Variants in SRP72 observed in about 807,000 individuals in gnomAD.
SRP72 encodes signal recognition particle 72, also known as signal recognition particle subunit SRP72.
Under a neutral mutation model 96.3 loss-of-function variants are expected in SRP72, and 49 were observed. The observed-to-expected ratio is 0.51, with a 90% CI of 0.40 to 0.65. The LOEUF is 0.65. Among genes scored for constraint, SRP72 ranks in the 30% least tolerant of loss-of-function variants. The pLI is 0.00. For missense variants in SRP72, 736 were observed against 793.3 expected (o/e 0.93, Z 0.87); for synonymous variants, 267 against 275.2 (o/e 0.97, Z 0.30).
chr4:56,490,228 G>A, intron 13 of SRP72, 105 bp from the exon 14 acceptor site: 2 of 789,744 alleles, frequency 2.5e-6, no homozygotes, highest in Non-Finnish European at 4.0e-6. Flanking sequence ...TAAGATGAGG[G>A]ATCTAATGCA....
At chr4:56,477,899 T>A (rs893415757) in intron 6 of SRP72, among the ~76,000 whole-genome samples, 1 of 152,228 alleles carries the variant, frequency 6.6e-6, no homozygotes, top group African/African-American at 2.4e-5. Flanking sequence ...TTGAAGTTTT[T>A]TTGTATGGTG....
chr4:56,486,548 C>T, intron 11 of SRP72, 151 bp downstream of exon 11: 1 of 579,680 alleles, frequency 1.7e-6, no homozygotes, highest in African/African-American at 1.9e-5. Context: ...TGTATGATCT[C>T]CAACAGATTT....
intron 8 of SRP72, among the ~76,000 whole-genome samples, chr4:56,481,469 G>A (rs1459826114): frequency 6.6e-6 from 1 of 152,018 alleles, no homozygotes; most frequent in Non-Finnish European, 1.5e-5. Flanking sequence ...CTTTCTTTGG[G>A]CAGATAACAC....
intron 15 of SRP72, 95 bp from the exon 16 acceptor site, chr4:56,491,336 C>A: frequency 7.1e-7 from 1 of 1,404,834 alleles, no homozygotes; most frequent in Non-Finnish European, 9.6e-7. Flanking sequence ...AAAAGACAGT[C>A]TTCCAGTGTC....
In SRP72 at chr4:56,490,627, A is replaced by G. The variant is rs376866344; in HGVS notation, c.1484A>G (p.Asp495Gly). 5.0e-5 allele frequency: 80 copies of G among 1,613,824 alleles called. No homozygotes were observed. Among genetic ancestry groups the G allele is most frequent in the Non-Finnish European group, 6.3e-5 (74 of 1,179,928 alleles). Residue 495 changes from aspartate to glycine, a missense_variant, in exon 15 of 19, where the codon GAT becomes GGT. Coordinates refer to ENST00000642900, the MANE Select transcript of SRP72 (RefSeq NM_006947.4). Reference protein sequence around the residue: ...AQLISAYSLVDPEKAKALSKH... With the variant: ...AQLISAYSLVGPEKAKALSKH... ...CTTATTTCTGCTTACTCACTTGTAG[A>G]TCCAGAGAAAGCCAAAGCGTATCCT...
In SRP72 at chr4:56,488,001, TAA is replaced by T. The variant is rs1720779851; in HGVS notation, c.1214_1215del (p.Lys405ThrfsTer12). 6.3e-7 allele frequency: 1 copy of T among 1,599,352 alleles called. No homozygotes were observed. The highest frequency in any genetic ancestry group is 1.3e-5 in the African/African-American group (1 of 74,110). On this transcript the variant is annotated frameshift_variant, in exon 12 of 19. Transcript: ENST00000642900. LOFTEE classifies it high-confidence loss of function. ...ILRSIEELKHKPGMVSALVTM... is the reference protein window; with the variant it reads ...ILRSIEELKHXPGMVSALVTM... The stretch of plus-strand genomic sequence containing the variant: ...TGAGAAGCATAGAGGAGTTAAAGCA[TAA>T]ACCAGGCATGGTGAGTTTTAAAAAT...
At chr4:56,486,965 T>TA (rs1265579740) in intron 11 of SRP72, among the ~76,000 whole-genome samples, 2 of 152,220 alleles carry the variant, frequency 1.3e-5, no homozygotes, top group Non-Finnish European at 2.9e-5. Context: ...ACTAGCCACA[T>TA]ACAGCTATTT....
chr4:56,484,882 A>G lies in SRP72; in HGVS notation c.1086+18A>G, dbSNP rs1578187579. 6 of 1,605,772 alleles carry G rather than the reference A, an allele frequency of 3.7e-6. 1 individual carries two copies. In the East Asian group the frequency reaches 1.3e-4, roughly 36 times the overall value. ...TGCTTCAGGTAAAATAATTACTTGA[A>G]TGAGGTGTCAGACATTTGCAGCTTT... is the stretch of plus-strand genomic sequence containing the variant. On this transcript the variant is annotated intron_variant, in intron 10 of 18. Transcript: ENST00000642900.
Position 56,503,597 on chromosome 4 carries a change from A to G in SRP72, c.*1736A>G, listed in dbSNP as rs923972603. The G allele has an allele frequency of 2.0e-5, 3 of 152,210 alleles. No homozygotes were observed. Among genetic ancestry groups the G allele is most frequent in the Non-Finnish European group, 4.4e-5 (3 of 68,036 alleles). 9.4% of individuals were successfully genotyped at this position (152,210 alleles called of 1,614,324 possible). On this transcript the variant is annotated 3_prime_UTR_variant, in exon 19 of 19. Transcript: ENST00000642900. ...TACTTTGTCAAATATATGGATGTGT[A>G]TGTGTACATTTATAAGAACCAGTAT...
chr4:56,484,115 C>A (rs2110122387), intron 9 of SRP72, among the ~76,000 whole-genome samples: 1 of 145,110 alleles, frequency 6.9e-6, no homozygotes, highest in Non-Finnish European at 1.5e-5. Context: ...CTCGCTGCAA[C>A]CTCTGCCTCC....
In SRP72 at chr4:56,487,990, G is replaced by A; in HGVS notation, c.1201G>A (p.Glu401Lys). Residue 401 changes from glutamate to lysine, a missense_variant, in exon 12 of 19, where the codon GAG becomes AAG. By Grantham distance (56) the Glu-to-Lys change is moderately conservative. Around this residue, in one of 3 missense-constraint regions of SRP72, gnomAD observed 388 missense variants for 431.8 expected, o/e 0.90. Transcript: ENST00000642900. The stretch of plus-strand genomic sequence containing the variant: ...ATGTCTAATATTGAGAAGCATAGAG[G>A]AGTTAAAGCATAAACCAGGCATGGT... ...KACLILRSIE[E>K]LKHKPGMVSA... The A allele has an allele frequency of 6.3e-7, 1 of 1,599,184 alleles. No homozygotes were observed. The highest frequency in any genetic ancestry group is 8.5e-7 in the Non-Finnish European group (1 of 1,176,322).
chr4:56,470,717 T>C (rs1398889537), intron 2 of SRP72, among the ~76,000 whole-genome samples: 1 of 152,222 alleles, frequency 6.6e-6, no homozygotes, highest in Non-Finnish European at 1.5e-5. Flanking sequence ...GAGGCAATGC[T>C]GCTTTTCTCC....
chr4:56,502,215 G>C lies in SRP72; in HGVS notation c.*354G>C, dbSNP rs544344186. 2.3e-5 allele frequency: 5 copies of C among 216,870 alleles called. No homozygotes were observed. The East Asian group carries it at 6.2e-4, about 27-fold the overall frequency. 13.4% of individuals were successfully genotyped at this position (216,870 alleles called of 1,614,324 possible). A position where few individuals can be genotyped will look rare whatever the true frequency, so the allele number is the denominator to read the frequency against. ...AACAGAAACTACTTCTATGATTTCA[G>C]CTGGAGTCTGAAGATACTTGTTTCT... On this transcript the variant is annotated 3_prime_UTR_variant, in exon 19 of 19. Transcript: ENST00000642900.
At chr4:56,477,579 C>T (rs1720297603) in intron 6 of SRP72, among the ~76,000 whole-genome samples, 1 of 152,186 alleles carries the variant, frequency 6.6e-6, no homozygotes, top group African/African-American at 2.4e-5. Context: ...AGGCGTGAAC[C>T]ACCATGCCCA....
chr4:56,475,394 CA>C (rs1322656151), intron 5 of SRP72, among the ~76,000 whole-genome samples: 7 of 106,432 alleles, frequency 6.6e-5, no homozygotes, highest in East Asian at 9.0e-4. Flanking sequence ...TTCGTTTTTA[CA>C]AAAAAAAAAT....
At position 56,491,581 on chromosome 4, in the gene SRP72, A is replaced by G; in HGVS notation, c.1640+13A>G. On this transcript the variant is annotated intron_variant, in intron 16 of 18. Transcript: ENST00000642900. ...CAAAGGAACAAGGGTAATATTTTTC[A>G]TTGTAACGTTCTCTAATGCTGATTT... 6.2e-7 allele frequency: 1 copy of G among 1,611,000 alleles called. No homozygotes were observed. Among genetic ancestry groups the G allele is most frequent in the Non-Finnish European group, 8.5e-7 (1 of 1,178,046 alleles).
At position 56,495,364 on chromosome 4, in the gene SRP72, G is replaced by A; in HGVS notation, c.1648G>A (p.Asp550Asn). 1 of 1,494,888 alleles carries A rather than the reference G, an allele frequency of 6.7e-7. No individual in the cohort carries two copies. Among genetic ancestry groups the A allele is most frequent in the Non-Finnish European group, 9.2e-7 (1 of 1,084,882 alleles). 92.6% of individuals were successfully genotyped at this position (1,494,888 alleles called of 1,614,324 possible). ...DSQPKEQGQG[D>N]LKKKKKKKKG... ...TTTTTTTTCTCTTTGTAGACAGGGA[G>A]ATTTGAAAAAGAAGAAAAAGAAAAA... is the stretch of plus-strand genomic sequence containing the variant. The change falls in exon 17 of 19, where the codon GAT becomes AAT. Residue 550 changes from aspartate to asparagine, a missense_variant. Asp to Asn is a conservative substitution (Grantham distance 23, BLOSUM62 1). Around this residue, in one of 3 missense-constraint regions of SRP72, gnomAD observed 388 missense variants for 431.8 expected, o/e 0.90. Transcript: ENST00000642900.
chr4:56,482,630 T>C (rs1262084937), intron 8 of SRP72, among the ~76,000 whole-genome samples: 1 of 152,136 alleles, frequency 6.6e-6, no homozygotes, highest in Non-Finnish European at 1.5e-5. Context: ...CTCCAAGATA[T>C]TTCTGTATTT....
At chr4:56,475,676 T>C (rs1720186862) in intron 5 of SRP72, 1 of 152,154 alleles carries the variant, frequency 6.6e-6, no homozygotes, top group Non-Finnish European at 1.5e-5. Context: ...AGAATTATAA[T>C]TTCTTGATCA....
Sources: gnomAD v4.1 joint callset for allele counts (sites outside exome capture counted in the v4.1 genomes callset) on GRCh38, gnomAD v4.1.1 for gene constraint, gnomAD v4.1.1 regional missense constraint, MANE v1.5 for transcripts, NCBI Gene and HGNC (gene_info 2026-07-23, HGNC 2026-07-21) for gene names.